INPP4B: variants seen among roughly 807,000 people sequenced by gnomAD.
INPP4B encodes the protein inositol polyphosphate-4-phosphatase type II B.
A neutral mutation model predicts 122.5 loss-of-function variants in INPP4B; 55 were observed. The ratio of observed to expected loss-of-function variants is 0.45; its 90% CI spans 0.36 to 0.56. INPP4B has a LOEUF of 0.56. Ranked by LOEUF, INPP4B falls within the 20% of genes least tolerant of loss-of-function variation. INPP4B has a pLI of 0.00. For synonymous variants in INPP4B, 403 were observed against 388.7 expected, an observed-to-expected ratio of 1.04 and a Z score of -0.43; for missense variants, 1,000 against 1,097.7, an observed-to-expected ratio of 0.91 and a Z score of 1.26.
intron 2 of INPP4B, among the ~76,000 whole-genome samples, chr4:142,642,860 G>A (rs1166843999): frequency 6.6e-6 from 1 of 152,178 alleles, no homozygotes; most frequent in Non-Finnish European, 1.5e-5. Context: ...ACCTTGGGCA[G>A]TATGGCCATT....
At chr4:142,511,136 T>C (rs1320519143) in intron 2 of INPP4B, among the ~76,000 whole-genome samples, 1 of 152,182 alleles carries the variant, frequency 6.6e-6, no homozygotes, top group Non-Finnish European at 1.5e-5. Flanking sequence ...TTCAATATAC[T>C]ATTCCTATTT....
chr4:142,515,972 C>T lies in INPP4B; in HGVS notation c.-190-53246G>A, dbSNP rs568197245. On this transcript the variant is annotated intron_variant, in intron 2 of 25. Coordinates refer to ENST00000262992, the MANE Select transcript of INPP4B (RefSeq NM_001101669.3). ...TTTCTACCATTATGTGCAATAAACA[C>T]ATTTAAAATGCTGCTCCTGAAGGGA... Among the ~76,000 whole-genome samples, 10 of 152,226 alleles carry T rather than the reference C, an allele frequency of 6.6e-5. No individual in the cohort carries two copies. In the South Asian group the frequency reaches 2.1e-3, roughly 32 times the overall value.
chr4:142,054,572 GAC>G (rs1406105092), intron 25 of INPP4B, among the ~76,000 whole-genome samples: 1 of 123,952 alleles, frequency 8.1e-6, no homozygotes, highest in Non-Finnish European at 1.8e-5. Context: ...TAATTCCAAA[GAC>G]AGTCCAGAGG....
intron 1 of INPP4B, among the ~76,000 whole-genome samples, chr4:142,843,948 T>C (rs999896699): frequency 3.9e-5 from 6 of 152,146 alleles, no homozygotes; most frequent in Non-Finnish European, 7.4e-5. Context: ...AGAACAAATA[T>C]CTGGCTTTTC....
intron 2 of INPP4B, among the ~76,000 whole-genome samples, chr4:142,562,868 A>G (rs1050728115): frequency 2.0e-5 from 3 of 152,176 alleles, no homozygotes; most frequent in Admixed American, 1.3e-4. Context: ...AAGGTGGATA[A>G]GAAAATCAGA....
chr4:142,709,447 A>G (rs1447020007), intron 2 of INPP4B, among the ~76,000 whole-genome samples: 1 of 152,176 alleles, frequency 6.6e-6, no homozygotes, highest in Admixed American at 6.5e-5. Context: ...TCAAATTGTA[A>G]TCACCAGTGT....
intron 18 of INPP4B, among the ~76,000 whole-genome samples, chr4:142,135,364 G>A (rs1310508286): frequency 6.6e-6 from 1 of 152,008 alleles, no homozygotes; most frequent in African/African-American, 2.4e-5. Flanking sequence ...GTCTTATATG[G>A]CCTACAAATT....
intron 2 of INPP4B, among the ~76,000 whole-genome samples, chr4:142,705,458 AAC>A (rs56300337): frequency 0.69 from 100,879 of 146,160 alleles, 39,447 homozygotes; most frequent in East Asian, 0.91. Flanking sequence ...TCCCACCCCA[AAC>A]ACACACACAC....
chr4:142,105,368 G>C (rs960634781), intron 23 of INPP4B, among the ~76,000 whole-genome samples: 34 of 152,184 alleles, frequency 2.2e-4, no homozygotes, highest in African/African-American at 8.0e-4. Flanking sequence ...GTTGATGAGT[G>C]CTTCATAAAA....
chr4:142,797,925 A>G (rs967465902), intron 1 of INPP4B, among the ~76,000 whole-genome samples: 2 of 151,964 alleles, frequency 1.3e-5, no homozygotes, highest in Admixed American at 6.6e-5. Flanking sequence ...AAGAAAGGGA[A>G]AGACACAAGA....
At chr4:142,540,269 C>T (rs1016848223) in intron 2 of INPP4B, among the ~76,000 whole-genome samples, 2 of 151,500 alleles carry the variant, frequency 1.3e-5, no homozygotes, top group African/African-American at 4.8e-5. Context: ...TTTACTGAGG[C>T]CAAACTATTT....
intron 12 of INPP4B, among the ~76,000 whole-genome samples, chr4:142,209,951 C>A (rs17015745): frequency 0.016 from 2,493 of 152,140 alleles, 68 homozygotes; most frequent in African/African-American, 0.057. Context: ...CTAACCATGT[C>A]ATTTAGGCTT....
At chr4:142,179,561 T>TGAAAAATGATGCTAATAG (rs145763456) in intron 15 of INPP4B, among the ~76,000 whole-genome samples, 130,314 of 143,946 alleles carry the variant, frequency 0.91, 58,403 homozygotes, top group East Asian at 0.96. Flanking sequence ...ATTAGCTCTG[T>TGAAAAATGATGCTAATAG]GAAAAAAAAA....
intron 12 of INPP4B, among the ~76,000 whole-genome samples, chr4:142,237,165 C>T (rs1857018867): frequency 6.6e-6 from 1 of 152,032 alleles, no homozygotes; most frequent in East Asian, 1.9e-4. Flanking sequence ...CAGTCATCTC[C>T]AGTAGTTTTT....
chr4:142,548,052 G>A (rs1317342205), intron 2 of INPP4B, among the ~76,000 whole-genome samples: 1 of 152,170 alleles, frequency 6.6e-6, no homozygotes, highest in Non-Finnish European at 1.5e-5. Context: ...TTACACTTGA[G>A]GTGGGAAAAT....
chr4:142,062,725 G>A (rs1761625457), intron 25 of INPP4B, among the ~76,000 whole-genome samples: 1 of 150,404 alleles, frequency 6.6e-6, no homozygotes, highest in African/African-American at 2.4e-5. Context: ...GACACAGCAA[G>A]ACTCCGTCCC....
intron 2 of INPP4B, among the ~76,000 whole-genome samples, chr4:142,580,915 A>G (rs773438322): frequency 1.3e-5 from 2 of 152,156 alleles, no homozygotes; most frequent in African/African-American, 4.8e-5. Context: ...ATCTTATTAC[A>G]TGAACTCTGG....
intron 2 of INPP4B, among the ~76,000 whole-genome samples, chr4:142,546,574 G>T (rs1233023327): frequency 6.6e-6 from 1 of 152,114 alleles, no homozygotes; most frequent in Non-Finnish European, 1.5e-5. Context: ...AATAAGTTAG[G>T]AGAATTATGA....
chr4:142,075,199 T>TATA (rs1769928943), intron 25 of INPP4B, among the ~76,000 whole-genome samples: 2 of 152,012 alleles, frequency 1.3e-5, no homozygotes, highest in Non-Finnish European at 2.9e-5. Context: ...ACAAAAGATG[T>TATA]TCACTTTTGA....
Sources: allele counts gnomAD v4.1 joint callset (sites outside exome capture counted in the v4.1 genomes callset), GRCh38; gene constraint gnomAD v4.1.1; transcripts MANE v1.5; gene names NCBI Gene and HGNC (gene_info 2026-07-23, HGNC 2026-07-21).